CERS3: variants seen among roughly 807,000 people sequenced by gnomAD.
The protein encoded by CERS3 is LAG1 homolog, ceramide synthase 3.
In CERS3, 33 loss-of-function variants were observed where a neutral mutation model predicts 50.3. That is an observed-to-expected ratio of 0.66 (90% confidence interval 0.50 to 0.88). The LOEUF (loss-of-function observed/expected upper bound fraction) is 0.88. Ranked by LOEUF, CERS3 falls within the 40% of genes least tolerant of loss-of-function variation. CERS3 has a pLI of 0.00. For synonymous variants in CERS3, 176 were observed against 155.2 expected (o/e 1.13, Z -0.99); for missense variants, 470 against 460.3 (o/e 1.02, Z -0.19).
intron 11 of CERS3, among the ~76,000 whole-genome samples, chr15:100,427,798 A>G (rs1327494095): frequency 6.6e-6 from 1 of 152,262 alleles, no homozygotes; most frequent in Non-Finnish European, 1.5e-5. Flanking sequence ...CTAGAAACAA[A>G]AAGTTGTGTA....
chr15:100,463,393 C>T (rs1213536227), intron 10 of CERS3, among the ~76,000 whole-genome samples: 1 of 140,274 alleles, frequency 7.1e-6, no homozygotes, highest in Non-Finnish European at 1.5e-5. Context: ...TAAGATCAGG[C>T]CACTGTACTC....
chr15:100,456,433 T>G (rs1038956159), intron 10 of CERS3, among the ~76,000 whole-genome samples: 4 of 152,224 alleles, frequency 2.6e-5, no homozygotes, highest in African/African-American at 9.6e-5. Flanking sequence ...ATTATTGCCT[T>G]AAAACACAAT....
At chr15:100,469,296 G>T in intron 10 of CERS3, 82 bp downstream of exon 10, 1 of 973,436 alleles carries the variant, frequency 1.0e-6, no homozygotes, top group Non-Finnish European at 1.6e-6. Flanking sequence ...CGTATGGAAA[G>T]GGCAATGCCC....
chr15:100,514,804 G>C (rs1310812810), intron 2 of CERS3, among the ~76,000 whole-genome samples: 1 of 151,856 alleles, frequency 6.6e-6, no homozygotes, highest in Non-Finnish European at 1.5e-5. Flanking sequence ...AAACTAGAAA[G>C]AAACATAAAA....
At chr15:100,417,642 A>G (rs1357888779) in intron 11 of CERS3, among the ~76,000 whole-genome samples, 1 of 152,056 alleles carries the variant, frequency 6.6e-6, no homozygotes, top group Non-Finnish European at 1.5e-5. Context: ...ACAGCCAAAC[A>G]AAAAGACAGC....
intron 4 of CERS3, among the ~76,000 whole-genome samples, chr15:100,488,858 C>T (rs2035564494): frequency 6.6e-6 from 1 of 151,346 alleles, no homozygotes; most frequent in African/African-American, 2.4e-5. Context: ...CTCACTGCAA[C>T]CTCCAACTCC....
chr15:100,441,809 G>C (rs528647852), intron 11 of CERS3, among the ~76,000 whole-genome samples: 6 of 145,686 alleles, frequency 4.1e-5, no homozygotes, highest in African/African-American at 1.3e-4. Context: ...GTCCCCCCCA[G>C]TCTGTGTTCC....
intron 2 of CERS3, among the ~76,000 whole-genome samples, chr15:100,502,711 A>G (rs1393935962): frequency 3.3e-5 from 5 of 152,198 alleles, no homozygotes; most frequent in African/African-American, 1.2e-4. Flanking sequence ...CTGAGGATAA[A>G]ACAATTAATA....
chr15:100,467,742 TCATTCTC>T (rs371015496), intron 10 of CERS3, among the ~76,000 whole-genome samples: 50,820 of 134,960 alleles, frequency 0.38, 10,843 homozygotes, highest in Non-Finnish European at 0.43. Context: ...ATAATTGCTA[TCATTCTC>T]TCTCTCTCTC....
chr15:100,456,038 T>C lies in CERS3; in HGVS notation c.854A>G (p.Tyr285Cys), dbSNP rs1212547270. 2 of 1,602,532 alleles carry C rather than the reference T, an allele frequency of 1.2e-6. No individual in the cohort carries two copies. The highest frequency in any genetic ancestry group is 2.3e-5 in the East Asian group (1 of 44,306). Residue 285 changes from tyrosine (Y) to cysteine (C), a missense_variant, in exon 11 of 12, where the codon TAT becomes TGT. Tyr to Cys is a radical substitution (Grantham distance 194). Coordinates refer to ENST00000679737, the MANE Select transcript of CERS3 (RefSeq NM_001378789.1). ...RLIVFPFWIL[Y>C]CTLILPMYHL... ...ATACATAGGCAAGATCAGCGTGCAA[T>C]ATAAAATCCTGAAACACCAAACAGT...
intron 2 of CERS3, among the ~76,000 whole-genome samples, chr15:100,505,686 G>A (rs554980113): frequency 9.8e-5 from 15 of 152,296 alleles, no homozygotes; most frequent in East Asian, 1.9e-4. Flanking sequence ...TTGTGACCTC[G>A]AGTTAGGCAA....
chr15:100,464,204 G>A (rs1382059470), intron 10 of CERS3, among the ~76,000 whole-genome samples: 2 of 152,154 alleles, frequency 1.3e-5, no homozygotes, highest in Non-Finnish European at 2.9e-5. Flanking sequence ...AGGGAGCTAG[G>A]TATTTCAGTA....
At chr15:100,423,284 A>G (rs1312545683) in intron 11 of CERS3, among the ~76,000 whole-genome samples, 3 of 152,156 alleles carry the variant, frequency 2.0e-5, no homozygotes, top group Non-Finnish European at 4.4e-5. Flanking sequence ...ACCCAAAGAA[A>G]TATAAATTGT....
chr15:100,466,534 C>T (rs781464000), intron 10 of CERS3, among the ~76,000 whole-genome samples: 17 of 152,104 alleles, frequency 1.1e-4, no homozygotes, highest in Non-Finnish European at 1.8e-4. Flanking sequence ...GATGTGACTA[C>T]TGAGGCTGTT....
chr15:100,469,007 A>G (rs898205069), intron 10 of CERS3, among the ~76,000 whole-genome samples: 2 of 152,202 alleles, frequency 1.3e-5, no homozygotes, highest in African/African-American at 4.8e-5. Context: ...AATGGCTATA[A>G]TTATTGTAAC....
intron 11 of CERS3, among the ~76,000 whole-genome samples, chr15:100,426,321 T>C (rs2032809367): frequency 1.3e-5 from 2 of 152,230 alleles, no homozygotes; most frequent in Non-Finnish European, 2.9e-5. Flanking sequence ...CATACATCAA[T>C]ATGAATAGTC....
chr15:100,446,031 G>A (rs59255174), intron 11 of CERS3, among the ~76,000 whole-genome samples: 26,506 of 151,724 alleles, frequency 0.17, 2,597 homozygotes, highest in Admixed American at 0.26. Flanking sequence ...GCCCACTAGA[G>A]AACAACCCCC....
intron 2 of CERS3, among the ~76,000 whole-genome samples, chr15:100,504,610 C>A (rs148722481): frequency 6.6e-6 from 1 of 152,030 alleles, no homozygotes; most frequent in Non-Finnish European, 1.5e-5. Context: ...TATACCATTG[C>A]GAAGTTGTGT....
intron 2 of CERS3, among the ~76,000 whole-genome samples, chr15:100,504,239 CTTTTT>C (rs55640205): frequency 1.0e-4 from 11 of 109,962 alleles, no homozygotes; most frequent in South Asian, 3.2e-4. Flanking sequence ...TTGGACTATT[CTTTTT>C]TTTTTTTTTT....
Sources: gnomAD v4.1 joint callset for allele counts (sites outside exome capture counted in the v4.1 genomes callset) on GRCh38, gnomAD v4.1.1 for gene constraint, MANE v1.5 for transcripts, NCBI Gene and HGNC (gene_info 2026-07-23, HGNC 2026-07-21) for gene names.